DNAH7: variants seen among roughly 807,000 people sequenced by gnomAD.
The protein encoded by DNAH7 is axonemal beta dynein heavy chain 7.
A neutral mutation model predicts 444.6 loss-of-function variants in DNAH7; 397 were observed. That is an observed-to-expected ratio of 0.89 (90% CI 0.82 to 0.97). The LOEUF (loss-of-function observed/expected upper bound fraction) is 0.97. Ranked by LOEUF, DNAH7 falls within the 50% of genes least tolerant of loss-of-function variation. The pLI is 0.00. For missense variants in DNAH7, 4,902 were observed against 4,800.8 expected, an observed-to-expected ratio of 1.02 and a Z score of -0.62; for synonymous variants, 1,636 against 1,624.4, an observed-to-expected ratio of 1.01 and a Z score of -0.17.
At chr2:195,755,078 G>C (rs181554894) in intron 62 of DNAH7, among the ~76,000 whole-genome samples, 12 of 152,170 alleles carry the variant, frequency 7.9e-5, no homozygotes, top group African/African-American at 2.2e-4. Context: ...CTACAATAGT[G>C]AATATCTAAT....
intron 3 of DNAH7, among the ~76,000 whole-genome samples, chr2:196,050,512 C>T (rs1697398811): frequency 6.6e-6 from 1 of 152,026 alleles, no homozygotes; most frequent in East Asian, 1.9e-4. Context: ...TATATTTTAT[C>T]AATTTTTTTA....
At chr2:195,803,941 A>AT (rs1179968293) in intron 54 of DNAH7, among the ~76,000 whole-genome samples, 1 of 151,884 alleles carries the variant, frequency 6.6e-6, no homozygotes, top group African/African-American at 2.4e-5. Context: ...AGCCCATCTC[A>AT]TTTTTTCTAC....
At chr2:195,839,838 C>T (rs1250229452) in intron 47 of DNAH7, among the ~76,000 whole-genome samples, 4 of 151,732 alleles carry the variant, frequency 2.6e-5, no homozygotes, top group African/African-American at 9.7e-5. Context: ...CCTGGATAGA[C>T]CTGTTACTAT....
chr2:195,887,663 A>G (rs1172583751), intron 33 of DNAH7, among the ~76,000 whole-genome samples: 1 of 152,246 alleles, frequency 6.6e-6, no homozygotes, highest in East Asian at 1.9e-4. Flanking sequence ...GGCCAAAGTC[A>G]TTCTAAAAGA....
At chr2:195,865,173 A>G in intron 40 of DNAH7, 152 bp from the exon 41 acceptor site, 3 of 662,176 alleles carry the variant, frequency 4.5e-6, no homozygotes, top group Non-Finnish European at 7.2e-6. Context: ...CTGATTCACA[A>G]TAATGTTATT....
chr2:195,922,566 G>T (rs1688087369), intron 23 of DNAH7, among the ~76,000 whole-genome samples: 1 of 152,176 alleles, frequency 6.6e-6, no homozygotes, highest in Admixed American at 6.5e-5. Flanking sequence ...CATCTGAAAT[G>T]ATTCCGCCAT....
chr2:195,833,832 T>C (rs1195671510), intron 48 of DNAH7, among the ~76,000 whole-genome samples: 1 of 152,130 alleles, frequency 6.6e-6, no homozygotes, highest in Non-Finnish European at 1.5e-5. Flanking sequence ...CTCGGCTCAC[T>C]GCAACCTCCA....
At chr2:196,016,764 C>T (rs926990542) in intron 9 of DNAH7, among the ~76,000 whole-genome samples, 6 of 152,212 alleles carry the variant, frequency 3.9e-5, no homozygotes, top group Non-Finnish European at 8.8e-5. Context: ...ATAATTTACC[C>T]ACATGGAGAA....
chr2:195,817,095 G>C, intron 50 of DNAH7, 132 bp from the exon 51 acceptor site: 1 of 649,472 alleles, frequency 1.5e-6, no homozygotes, highest in South Asian at 2.3e-5. Context: ...TATCTGTAAT[G>C]GTGATGCCTT....
chr2:196,057,241 A>G (rs1697864209), intron 2 of DNAH7, among the ~76,000 whole-genome samples: 1 of 152,212 alleles, frequency 6.6e-6, no homozygotes, highest in Admixed American at 6.5e-5. Flanking sequence ...ACATGAGCAC[A>G]ATATAAGGTT....
At chr2:195,985,799 A>G (rs1406225867) in intron 14 of DNAH7, among the ~76,000 whole-genome samples, 1 of 152,166 alleles carries the variant, frequency 6.6e-6, no homozygotes. Context: ...CACTTTCACT[A>G]TTCTTCTAGT....
At chr2:195,868,169 C>G (rs1249035272) in intron 40 of DNAH7, among the ~76,000 whole-genome samples, 1 of 144,606 alleles carries the variant, frequency 6.9e-6, no homozygotes, top group Non-Finnish European at 1.5e-5. Flanking sequence ...GATCTCGGCT[C>G]ACTGCAAGCT....
intron 12 of DNAH7, chr2:195,998,799 A>G (rs2125678731): frequency 3.7e-6 from 1 of 266,684 alleles, no homozygotes; most frequent in Middle Eastern, 1.1e-3. Context: ...AGGAATAGAT[A>G]TCCAGAAAAC....
chr2:195,875,631 G>A (rs762899621), intron 38 of DNAH7, 44 bp downstream of exon 38: 4 of 1,517,770 alleles, frequency 2.6e-6, no homozygotes, highest in Non-Finnish European at 3.5e-6. Context: ...GCTATTGCTA[G>A]GGAGATTTTT....
intron 1 of DNAH7, among the ~76,000 whole-genome samples, chr2:196,060,295 T>C (rs892926118): frequency 1.3e-5 from 2 of 151,950 alleles, no homozygotes; most frequent in African/African-American, 4.8e-5. Context: ...TGGAGCAGAG[T>C]ATTCAAAATA....
intron 12 of DNAH7, chr2:195,994,442 G>C (rs1232787652): frequency 3.4e-6 from 2 of 594,782 alleles, no homozygotes; most frequent in Admixed American, 2.2e-5. Flanking sequence ...TGGCTGGGGA[G>C]GCCAAGGGAG....
intron 1 of DNAH7, among the ~76,000 whole-genome samples, chr2:196,066,170 C>T (rs1387175419): frequency 6.6e-6 from 1 of 152,152 alleles, no homozygotes; most frequent in Non-Finnish European, 1.5e-5. Flanking sequence ...CTGGGATAGC[C>T]CAAGTATTAA....
chr2:195,876,646 G>T lies in DNAH7; in HGVS notation c.6015C>A (p.Asn2005Lys). ...GAGCTGCTGTAGTTTGTGCTGAGAAGTTAATTAGCAGAGGTTTGTAGATTT... is the reference window on the plus strand; with the variant it reads ...GAGCTGCTGTAGTTTGTGCTGAGAATTTAATTAGCAGAGGTTTGTAGATTT... ...NKEIYKPLLI[N>K]FSAQTTAAQT... The change falls in exon 37 of 65, where the codon AAC (asparagine) becomes AAA (lysine). Residue 2005 changes from asparagine to lysine, a missense_variant. Transcript: ENST00000312428. 1 of 1,609,968 alleles carries T rather than the reference G, an allele frequency of 6.2e-7. No homozygotes were observed. The highest frequency in any genetic ancestry group is 8.5e-7 in the Non-Finnish European group (1 of 1,176,418).
At chr2:196,068,585 A>C in intron 1 of DNAH7, 112 bp downstream of exon 1, 2 of 1,389,326 alleles carry the variant, frequency 1.4e-6, no homozygotes, top group Non-Finnish European at 2.0e-6. Context: ...GAAGCTGTAC[A>C]CCGCGGAGTC....
Sources: allele counts gnomAD v4.1 joint callset (sites outside exome capture counted in the v4.1 genomes callset), GRCh38; gene constraint gnomAD v4.1.1; transcripts MANE v1.5; gene names NCBI Gene and HGNC (gene_info 2026-07-23, HGNC 2026-07-21).